The following CNBD1 variants were observed in gnomAD, a reference collection of about 807,000 sequenced individuals.
The protein encoded by CNBD1 is cyclic nucleotide binding domain containing 1.
Under a neutral mutation model 54.4 loss-of-function variants are expected in CNBD1, and 71 were observed. The ratio of observed to expected loss-of-function variants is 1.30; its 90% CI spans 1.08 to 1.59. CNBD1 has a LOEUF of 1.59. Ranked by LOEUF, CNBD1 falls within the 40% of genes most tolerant of loss-of-function variation. The probability of loss-of-function intolerance (pLI) is 0.00; values close to 1 mark genes in which losing one functional copy is unlikely to be tolerated. For synonymous variants in CNBD1, 182 were observed against 170.7 expected, an observed-to-expected ratio of 1.07 and a Z score of -0.51; for missense variants, 659 against 518.0, an observed-to-expected ratio of 1.27 and a Z score of -2.64.
At chr8:86,922,511 C>A (rs899558084) in intron 3 of CNBD1, among the ~76,000 whole-genome samples, 25 of 152,054 alleles carry the variant, frequency 1.6e-4, no homozygotes, top group African/African-American at 5.8e-4. Flanking sequence ...CCAAATTAAC[C>A]CCTCTACCAT....
intron 4 of CNBD1, among the ~76,000 whole-genome samples, chr8:87,165,481 G>A (rs1024014813): frequency 2.0e-5 from 3 of 151,852 alleles, no homozygotes; most frequent in African/African-American, 7.3e-5. Flanking sequence ...TCAATGGATC[G>A]ACACTTTTGT....
chr8:87,418,800 G>A (rs1451252660), intron 2 of CNBD1, among the ~76,000 whole-genome samples: 1 of 151,782 alleles, frequency 6.6e-6, no homozygotes, highest in East Asian at 1.9e-4. Context: ...AATATAGACA[G>A]TAATAAAAGT....
chr8:87,319,493 A>G (rs769958995), intron 8 of CNBD1, among the ~76,000 whole-genome samples: 8 of 152,136 alleles, frequency 5.3e-5, no homozygotes, highest in Non-Finnish European at 8.8e-5. Flanking sequence ...AGAATAACCT[A>G]TATGAACTTT....
intron 2 of CNBD1, among the ~76,000 whole-genome samples, chr8:87,393,622 A>G (rs1811355153): frequency 6.6e-6 from 1 of 151,836 alleles, no homozygotes; most frequent in Non-Finnish European, 1.5e-5. Context: ...TGACAACCAA[A>G]TGATAGAAAT....
intron 8 of CNBD1, among the ~76,000 whole-genome samples, chr8:87,327,492 G>T (rs1360872605): frequency 6.6e-6 from 1 of 152,220 alleles, no homozygotes; most frequent in Non-Finnish European, 1.5e-5. Flanking sequence ...CCAGGTGTGG[G>T]ATATAGTTTC....
At chr8:87,017,971 C>T (rs1809402500) in intron 4 of CNBD1, among the ~76,000 whole-genome samples, 1 of 152,188 alleles carries the variant, frequency 6.6e-6, no homozygotes, top group Non-Finnish European at 1.5e-5. Flanking sequence ...TGGCCGGGAA[C>T]AGTGGCTCAC....
intron 6 of CNBD1, among the ~76,000 whole-genome samples, chr8:87,273,850 C>A (rs546335214): frequency 1.1e-4 from 16 of 151,512 alleles, no homozygotes; most frequent in Non-Finnish European, 1.9e-4. Flanking sequence ...TATTCATGTG[C>A]CATGCTGGTG....
At position 87,323,111 on chromosome 8, in the gene CNBD1, T is replaced by C. The variant is rs969572645; in HGVS notation, c.1043-28574T>C. Among the ~76,000 whole-genome samples the C allele has an allele frequency of 6.0e-5, 7 of 117,222 alleles. 1 individual carries two copies. The highest frequency in any genetic ancestry group is 1.1e-4 in the Non-Finnish European group (6 of 53,292). 76.9% of individuals were successfully genotyped at this position (117,222 alleles called of 152,430 possible). A position where few individuals can be genotyped will look rare whatever the true frequency, so the allele number is the denominator to read the frequency against. On this transcript the variant is annotated intron_variant, in intron 8 of 10. Transcript: ENST00000518476. ...CTCAGGTTTGTCAAAGATCAGATAG[T>C]TGTAGGTATGCAGCATTATTTCTGA... is the stretch of plus-strand genomic sequence containing the variant.
chr8:87,299,520 A>C (rs1355986490), intron 8 of CNBD1, among the ~76,000 whole-genome samples: 3 of 152,340 alleles, frequency 2.0e-5, no homozygotes, highest in East Asian at 3.9e-4. Context: ...AAATGAAATA[A>C]GTCTTTGGGA....
chr8:87,249,976 G>T (rs899161699), intron 6 of CNBD1, among the ~76,000 whole-genome samples: 1 of 152,040 alleles, frequency 6.6e-6, no homozygotes, highest in Non-Finnish European at 1.5e-5. Context: ...AGAGAAATGG[G>T]ATCACATCAA....
At chr8:87,014,656 C>G (rs1809315754) in intron 4 of CNBD1, among the ~76,000 whole-genome samples, 1 of 151,720 alleles carries the variant, frequency 6.6e-6, no homozygotes, top group Non-Finnish European at 1.5e-5. Flanking sequence ...AATTTAGGAT[C>G]TAAGGTTATT....
intron 6 of CNBD1, among the ~76,000 whole-genome samples, chr8:87,271,236 C>T (rs1036668591): frequency 7.3e-5 from 11 of 151,346 alleles, no homozygotes; most frequent in African/African-American, 2.4e-4. Flanking sequence ...CTTTGTTGAT[C>T]TTGTATATAT....
chr8:86,886,713 C>T (rs1000283006), intron 1 of CNBD1, among the ~76,000 whole-genome samples: 3 of 152,110 alleles, frequency 2.0e-5, no homozygotes, highest in South Asian at 2.1e-4. Context: ...CACTTTTTAA[C>T]GTTTGAGAAA....
At chr8:87,321,497 A>T (rs993040774) in intron 8 of CNBD1, among the ~76,000 whole-genome samples, 9 of 152,262 alleles carry the variant, frequency 5.9e-5, no homozygotes, top group African/African-American at 2.2e-4. Flanking sequence ...ATGTCTTTGG[A>T]GAAATATCTA....
intron 4 of CNBD1, among the ~76,000 whole-genome samples, chr8:87,087,263 A>ATATATATATACGTATATATATATATACG (rs1811117699): frequency 1.4e-5 from 2 of 144,300 alleles, no homozygotes; most frequent in Non-Finnish European, 3.0e-5. Context: ...ATATATATAC[A>ATATATATATACGTATATATATATATACG]TATATATATA....
intron 4 of CNBD1, among the ~76,000 whole-genome samples, chr8:87,064,653 A>G (rs1010165467): frequency 3.3e-5 from 5 of 151,898 alleles, no homozygotes; most frequent in Admixed American, 6.6e-5. Context: ...CTCTTAGCTC[A>G]GATATTCTAG....
rs547586148 is a variant in CNBD1 at position 87,032,314 on chromosome 8, A to G, written c.431+92560A>G. On this transcript the variant is annotated intron_variant, in intron 4 of 10. Transcript: ENST00000518476. ...CCTCAAACTTAATTACTAAGAGCCT[A>G]TTGTTGATCGGAAGCCTTACTAATT... Among the ~76,000 whole-genome samples the G allele has an allele frequency of 2.0e-5, 3 of 152,318 alleles. No individual in the cohort carries two copies. In the South Asian group the frequency reaches 6.2e-4, roughly 32 times the overall value.
At chr8:87,104,551 A>G (rs1255642123) in intron 4 of CNBD1, among the ~76,000 whole-genome samples, 1 of 152,200 alleles carries the variant, frequency 6.6e-6, no homozygotes, top group Non-Finnish European at 1.5e-5. Flanking sequence ...TGATGAGACC[A>G]ATGAGGTGGA....
intron 4 of CNBD1, among the ~76,000 whole-genome samples, chr8:87,040,387 C>T (rs1810039511): frequency 6.6e-6 from 1 of 150,664 alleles, no homozygotes; most frequent in Non-Finnish European, 1.5e-5. Flanking sequence ...TTTACAAATG[C>T]ATTTACTTTG....
Sources: allele counts gnomAD v4.1 joint callset (sites outside exome capture counted in the v4.1 genomes callset), GRCh38; gene constraint gnomAD v4.1.1; transcripts MANE v1.5; gene names NCBI Gene and HGNC (gene_info 2026-07-23, HGNC 2026-07-21).